ARHGEF4: variants seen among roughly 807,000 people sequenced by gnomAD.
ARHGEF4 encodes Rho guanine nucleotide exchange factor 4, also known as APC-stimulated guanine nucleotide exchange factor 1.
ARHGEF4 carries 119 observed loss-of-function variants against 162.0 expected under a neutral mutation model. That is an observed-to-expected ratio of 0.73 (90% CI 0.63 to 0.86). ARHGEF4 has a LOEUF of 0.86. Among genes scored for constraint, ARHGEF4 ranks in the 40% least tolerant of loss-of-function variants. The pLI is 0.00. For missense variants in ARHGEF4, 2,488 were observed against 2,456.0 expected, an observed-to-expected ratio of 1.01 and a Z score of -0.28; for synonymous variants, 1,014 against 979.9, an observed-to-expected ratio of 1.03 and a Z score of -0.65.
chr2:131,011,954 G>T (rs1393253755), intron 4 of ARHGEF4: 2 of 699,852 alleles, frequency 2.9e-6, no homozygotes, highest in African/African-American at 3.5e-5. Flanking sequence ...GGATAATAAA[G>T]TAAAGGTAGG....
chr2:131,007,357 T>C (rs907395155), intron 4 of ARHGEF4, among the ~76,000 whole-genome samples: 3 of 152,228 alleles, frequency 2.0e-5, no homozygotes, highest in Admixed American at 2.0e-4. Flanking sequence ...TGCAGTTTCC[T>C]CTTTCTTTAA....
chr2:130,977,448 CGT>C (rs985797007), intron 4 of ARHGEF4, among the ~76,000 whole-genome samples: 19 of 149,802 alleles, frequency 1.3e-4, no homozygotes, highest in African/African-American at 3.9e-4. Flanking sequence ...GTGTATGTTG[CGT>C]GTGTGTGTAG....
intron 1 of ARHGEF4, among the ~76,000 whole-genome samples, chr2:130,844,258 G>A (rs1041730235): frequency 7.2e-5 from 11 of 152,242 alleles, no homozygotes; most frequent in African/African-American, 2.7e-4. Context: ...ATAAGGTGGT[G>A]AGGTTTAAAC....
intron 6 of ARHGEF4, 88 bp from the exon 7 acceptor site, chr2:131,039,928 C>A: frequency 1.3e-6 from 2 of 1,493,458 alleles, no homozygotes; most frequent in Non-Finnish European, 8.9e-7. Context: ...GCGGGGCCTC[C>A]GAGGCCCGGT....
chr2:130,914,728 A>T lies in ARHGEF4; in HGVS notation c.782A>T (p.Asn261Ile), dbSNP rs1681383623. 9.2e-6 allele frequency: 13 copies of T among 1,420,730 alleles called. No individual in the cohort carries two copies. Among genetic ancestry groups the T allele is most frequent in the Non-Finnish European group, 1.1e-5 (12 of 1,093,578 alleles). 88.0% of individuals were successfully genotyped at this position (1,420,730 alleles called of 1,614,324 possible). ...CTACCTAGCAGAGGCCCACTGGACAACACAGCCCCTCTGGGGACCAGGACA... is the reference window on the plus strand; with the variant it reads ...CTACCTAGCAGAGGCCCACTGGACATCACAGCCCCTCTGGGGACCAGGACA... ...LVLPSRGPLD[N>I]TAPLGTRTKK... is the part of the protein sequence containing the mutation. The change falls in exon 2 of 14, where the codon AAC (asparagine) becomes ATC (isoleucine). Residue 261 changes from asparagine to isoleucine, a missense_variant. This residue lies in a region of ARHGEF4 where 1,642 missense variants were observed against 1,481.5 expected (regional missense o/e 1.11). Coordinates refer to ENST00000409359, the MANE Select transcript of ARHGEF4 (RefSeq NM_001367493.1).
intron 1 of ARHGEF4, among the ~76,000 whole-genome samples, chr2:130,907,049 T>C (rs970590434): frequency 1.3e-5 from 2 of 152,186 alleles, no homozygotes; most frequent in African/African-American, 4.8e-5. Flanking sequence ...CCCCAGCCCT[T>C]GGAAACCCTT....
chr2:130,939,692 C>G (rs1683175352), intron 3 of ARHGEF4, among the ~76,000 whole-genome samples: 1 of 152,186 alleles, frequency 6.6e-6, no homozygotes, highest in Admixed American at 6.5e-5. Context: ...CAGTCATCTT[C>G]ATTATGTTTT....
chr2:130,873,176 T>A (rs1678600276), intron 1 of ARHGEF4, among the ~76,000 whole-genome samples: 1 of 152,248 alleles, frequency 6.6e-6, no homozygotes, highest in African/African-American at 2.4e-5. Flanking sequence ...GATCTGTCTG[T>A]GCTGTGTCTT....
Position 131,041,420 on chromosome 2 carries a change from T to C in ARHGEF4, c.4853T>C (p.Leu1618Pro). Reference protein sequence around the residue: ...TPVQKICKYPLQLAELLKYTH... With the variant: ...TPVQKICKYPPQLAELLKYTH... ...GTGCAGAAGATCTGCAAGTACCCTC[T>C]GCAGCTGGCCGAGCTGCTCAAATAC... is the stretch of plus-strand genomic sequence containing the variant. The change falls in exon 9 of 14, where the codon CTG becomes CCG. Residue 1618 changes from leucine to proline, a missense_variant. This residue lies in a region of ARHGEF4 where 415 missense variants were observed against 512.4 expected (regional missense o/e 0.81). Coordinates refer to ENST00000409359, the MANE Select transcript of ARHGEF4 (RefSeq NM_001367493.1). 2 of 1,613,174 alleles carry C rather than the reference T, an allele frequency of 1.2e-6. No homozygotes were observed. Among genetic ancestry groups the C allele is most frequent in the Admixed American group, 1.7e-5 (1 of 60,026 alleles).
intron 4 of ARHGEF4, among the ~76,000 whole-genome samples, chr2:130,979,419 T>C (rs376435295): frequency 6.6e-6 from 1 of 152,076 alleles, no homozygotes; most frequent in East Asian, 1.9e-4. Context: ...AAGTTTAGTT[T>C]GAGGACAAAA....
chr2:130,922,875 G>A (rs1681970884), intron 2 of ARHGEF4, among the ~76,000 whole-genome samples: 1 of 151,222 alleles, frequency 6.6e-6, no homozygotes, highest in African/African-American at 2.4e-5. Flanking sequence ...GGGTAAATGT[G>A]CCACAGATAT....
At chr2:130,930,128 C>T (rs1345258020) in intron 2 of ARHGEF4, among the ~76,000 whole-genome samples, 1 of 152,104 alleles carries the variant, frequency 6.6e-6, no homozygotes, top group Non-Finnish European at 1.5e-5. Flanking sequence ...CTCCTGACCT[C>T]GTGATCTGCC....
intron 2 of ARHGEF4, among the ~76,000 whole-genome samples, chr2:130,923,497 G>A (rs907262246): frequency 2.0e-5 from 3 of 152,126 alleles, no homozygotes; most frequent in Non-Finnish European, 4.4e-5. Flanking sequence ...TTCCTCTCAC[G>A]TGGTCATCAA....
At chr2:131,009,238 TTTG>T (rs1030274466) in intron 4 of ARHGEF4, among the ~76,000 whole-genome samples, 3 of 152,222 alleles carry the variant, frequency 2.0e-5, no homozygotes, top group Non-Finnish European at 2.9e-5. Flanking sequence ...GCAAAATATT[TTTG>T]TTGTTGTAGA....
chr2:131,045,573 A>T (rs754157332), intron 13 of ARHGEF4, 127 bp downstream of exon 13: 2 of 1,601,052 alleles, frequency 1.2e-6, no homozygotes, highest in Non-Finnish European at 8.5e-7. Flanking sequence ...TGCCCTTTGC[A>T]GCTGTTTGTT....
chr2:130,948,893 G>A (rs1268031123), intron 4 of ARHGEF4, among the ~76,000 whole-genome samples: 2 of 152,204 alleles, frequency 1.3e-5, no homozygotes, highest in Non-Finnish European at 2.9e-5. Context: ...GACTATCCTG[G>A]AGTTTAGCTT....
chr2:130,984,285 C>G (rs1271277162), intron 4 of ARHGEF4, among the ~76,000 whole-genome samples: 2 of 152,164 alleles, frequency 1.3e-5, no homozygotes, highest in East Asian at 3.8e-4. Context: ...CTCAACCCTG[C>G]TTAGAACAGC....
chr2:130,949,510 C>T (rs368638828), intron 4 of ARHGEF4, among the ~76,000 whole-genome samples: 2 of 151,724 alleles, frequency 1.3e-5, no homozygotes, highest in African/African-American at 2.4e-5. Flanking sequence ...CCCGCCACCA[C>T]GCCTGGCTAA....
At chr2:130,997,096 G>A (rs997779556) in intron 4 of ARHGEF4, among the ~76,000 whole-genome samples, 4 of 152,114 alleles carry the variant, frequency 2.6e-5, no homozygotes, top group African/African-American at 9.7e-5. Context: ...TATTACTAAA[G>A]AAGTCACTGC....
Sources: gnomAD v4.1 joint callset for allele counts (sites outside exome capture counted in the v4.1 genomes callset) on GRCh38, gnomAD v4.1.1 for gene constraint, gnomAD v4.1.1 regional missense constraint, MANE v1.5 for transcripts, NCBI Gene and HGNC (gene_info 2026-07-23, HGNC 2026-07-21) for gene names.